The following NOL10 variants were observed in gnomAD, a reference collection of about 807,000 sequenced individuals.
NOL10 encodes the protein H_NH0074G24.1.
NOL10 carries 58 observed loss-of-function variants against 103.5 expected under a neutral mutation model. That is an observed-to-expected ratio of 0.56 (90% CI 0.45 to 0.70). The LOEUF is 0.70. Among genes scored for constraint, NOL10 ranks in the 30% least tolerant of loss-of-function variants. The pLI is 0.00. For synonymous variants in NOL10, 287 were observed against 282.5 expected, an observed-to-expected ratio of 1.02 and a Z score of -0.16; for missense variants, 763 against 807.3, an observed-to-expected ratio of 0.95 and a Z score of 0.67.
intron 20 of NOL10, 84 bp from the exon 21 acceptor site, chr2:10,572,274 C>G (rs1311873487): frequency 7.0e-7 from 1 of 1,427,150 alleles, no homozygotes; most frequent in East Asian, 2.3e-5. Context: ...GCCAACAGTA[C>G]CACCACCAAT....
chr2:10,594,203 A>G (rs1183927537), intron 17 of NOL10, among the ~76,000 whole-genome samples: 1 of 152,102 alleles, frequency 6.6e-6, no homozygotes, highest in Non-Finnish European at 1.5e-5. Context: ...CTGGGCTTAC[A>G]CTGTTATTTT....
chr2:10,589,042 C>A lies in NOL10; in HGVS notation c.1844+1G>T. The A allele has an allele frequency of 6.2e-7, 1 of 1,613,768 alleles. No individual in the cohort carries two copies. The highest frequency in any genetic ancestry group is 8.5e-7 in the Non-Finnish European group (1 of 1,179,886). ...CTGTGCGCTCAGGCAGTGCTACTCA[C>A]TTCATCAGTTTCTGCTTTGTGGCAG... On this transcript the variant is annotated splice_donor_variant, in intron 19 of 20. Transcript: ENST00000381685. LOFTEE classifies it high-confidence loss of function.
At position 10,659,759 on chromosome 2, in the gene NOL10, A is replaced by T. The variant is rs140831580; in HGVS notation, c.678-509T>A. On this transcript the variant is annotated intron_variant, in intron 9 of 20. Coordinates refer to ENST00000381685, the MANE Select transcript of NOL10 (RefSeq NM_024894.4). ...ATCAAAGTTACACTTTATATACAAAACGTAATCTACTTTCTTCCATTTTAA... is the reference window on the plus strand; with the variant it reads ...ATCAAAGTTACACTTTATATACAAATCGTAATCTACTTTCTTCCATTTTAA... 6.3e-3 allele frequency among the ~76,000 whole-genome samples: 961 copies of T among 152,266 alleles called. 15 individuals carry two copies. The highest frequency in any genetic ancestry group is 0.022 in the African/African-American group (899 of 41,536).
At chr2:10,597,629 A>C (rs1028831252) in intron 17 of NOL10, among the ~76,000 whole-genome samples, 13 of 152,352 alleles carry the variant, frequency 8.5e-5, no homozygotes, top group Non-Finnish European at 8.8e-5. Flanking sequence ...TTTTCAAAAG[A>C]CCATATATAA....
intron 13 of NOL10, among the ~76,000 whole-genome samples, chr2:10,624,737 T>C (rs367636748): frequency 6.6e-6 from 1 of 151,994 alleles, no homozygotes; most frequent in Non-Finnish European, 1.5e-5. Context: ...ACTAAACGTA[T>C]TGTGACCATA....
intron 7 of NOL10, among the ~76,000 whole-genome samples, chr2:10,668,253 G>T (rs1680679739): frequency 1.3e-5 from 2 of 152,104 alleles, no homozygotes; most frequent in African/African-American, 4.8e-5. Context: ...AGACTATAAT[G>T]TATGATAAAA....
intron 19 of NOL10, among the ~76,000 whole-genome samples, chr2:10,584,306 T>A (rs1674913415): frequency 6.6e-6 from 1 of 152,198 alleles, no homozygotes; most frequent in Admixed American, 6.5e-5. Context: ...GAGCAGTTGA[T>A]AAATGCTTGA....
At chr2:10,679,300 G>A (rs1440606776) in intron 3 of NOL10, among the ~76,000 whole-genome samples, 7 of 151,182 alleles carry the variant, frequency 4.6e-5, no homozygotes, top group Non-Finnish European at 8.8e-5. Context: ...CAGAGGTTGC[G>A]GTAAGCCAAG....
In NOL10 at chr2:10,590,072, C is replaced by CAAA. The variant is rs5829271; in HGVS notation, c.1423-324_1423-322dup. 2.2e-3 allele frequency among the ~76,000 whole-genome samples: 331 copies of CAAA among 151,892 alleles called. 2 individuals are homozygous for CAAA. The highest frequency in any genetic ancestry group is 7.7e-3 in the African/African-American group (317 of 41,386). On this transcript the variant is annotated intron_variant, in intron 17 of 20. Coordinates refer to ENST00000381685, the MANE Select transcript of NOL10 (RefSeq NM_024894.4). ...AATTTCTTCAATTAACATTTTAATG[C>CAAA]AAAAAAACACCTTTCAAGAAGATAC...
intron 13 of NOL10, among the ~76,000 whole-genome samples, chr2:10,611,348 G>A (rs1676557275): frequency 6.6e-6 from 1 of 152,152 alleles, no homozygotes; most frequent in South Asian, 2.1e-4. Context: ...AATTTTAAAG[G>A]ACATGAAAAT....
chr2:10,573,151 A>G (rs115739832), intron 20 of NOL10, among the ~76,000 whole-genome samples: 5 of 152,064 alleles, frequency 3.3e-5, no homozygotes, highest in African/African-American at 1.2e-4. Flanking sequence ...AAAGCGGAAA[A>G]GCACCGTCTT....
At chr2:10,609,579 G>A (rs761015137) in intron 13 of NOL10, among the ~76,000 whole-genome samples, 8 of 152,046 alleles carry the variant, frequency 5.3e-5, no homozygotes, top group African/African-American at 9.7e-5. Context: ...CAGCCTGGGC[G>A]ACAGAGCGAG....
At chr2:10,673,441 A>G (rs981656090) in intron 5 of NOL10, 79 bp downstream of exon 5, 1 of 877,484 alleles carries the variant, frequency 1.1e-6, no homozygotes, top group Non-Finnish European at 1.7e-6. Flanking sequence ...AAATATTATA[A>G]AACTGCTTAT....
At chr2:10,609,821 C>CT (rs1159974440) in intron 13 of NOL10, among the ~76,000 whole-genome samples, 2 of 152,064 alleles carry the variant, frequency 1.3e-5, no homozygotes, top group African/African-American at 4.8e-5. Context: ...GCTATTATTG[C>CT]TTTTTTAGAA....
At chr2:10,602,385 C>T (rs948838420) in intron 16 of NOL10, among the ~76,000 whole-genome samples, 1 of 152,184 alleles carries the variant, frequency 6.6e-6, no homozygotes, top group Non-Finnish European at 1.5e-5. Flanking sequence ...TTACGACTGT[C>T]GACCATTTCC....
rs183117891 is a variant in NOL10 at position 10,657,267 on chromosome 2, G to A, written c.906+475C>T. ...TGGGAGGCGGAGGTTACAGTGAGCT[G>A]AGATCATGGCACTGCACTCCAGCCT... is the stretch of plus-strand genomic sequence containing the variant. On this transcript the variant is annotated intron_variant, in intron 11 of 20. Transcript: ENST00000381685. 1.5e-4 allele frequency among the ~76,000 whole-genome samples: 23 copies of A among 151,958 alleles called. No homozygotes were observed. The East Asian group carries it at 3.5e-3, about 23-fold the overall frequency.
chr2:10,619,644 T>TA (rs76265500), intron 13 of NOL10, among the ~76,000 whole-genome samples: 90,383 of 151,972 alleles, frequency 0.59, 27,886 homozygotes, highest in African/African-American at 0.74. Context: ...TTAAATAGCA[T>TA]AAAAAAATCC....
In NOL10 at chr2:10,587,265, A is replaced by T. The variant is rs1356834319; in HGVS notation, c.1844+1778T>A. ...CATACATATATATATATACACATAT[A>T]TATATATATATTTTTTTTTTTTTTG... On this transcript the variant is annotated intron_variant, in intron 19 of 20. Transcript: ENST00000381685. Among the ~76,000 whole-genome samples, 9 of 24,802 alleles carry T rather than the reference A, an allele frequency of 3.6e-4. 1 individual carries two copies. Among genetic ancestry groups the T allele is most frequent in the South Asian group, 1.2e-3 (2 of 1,628 alleles). The allele number at this position is 24,802 out of a possible 152,430, so 16.3% of individuals were successfully genotyped here. A position where few individuals can be genotyped will look rare whatever the true frequency, so the allele number is the denominator to read the frequency against.
chr2:10,573,887 C>A (rs564330514), intron 20 of NOL10, among the ~76,000 whole-genome samples: 1 of 152,280 alleles, frequency 6.6e-6, no homozygotes, highest in Admixed American at 6.5e-5. Context: ...ATGGCCACCA[C>A]GGAGCTGCCT....
Sources: allele counts gnomAD v4.1 joint callset (sites outside exome capture counted in the v4.1 genomes callset), GRCh38; gene constraint gnomAD v4.1.1; transcripts MANE v1.5; gene names NCBI Gene and HGNC (gene_info 2026-07-23, HGNC 2026-07-21).